The following DAB1 variants were observed in gnomAD, a reference collection of about 807,000 sequenced individuals.
DAB1 encodes disabled homolog 1.
A neutral mutation model predicts 64.6 loss-of-function variants in DAB1; 15 were observed. That is an observed-to-expected ratio of 0.23 (90% confidence interval 0.16 to 0.36). The LOEUF is 0.36. Among genes scored for constraint, DAB1 ranks in the 10% least tolerant of loss-of-function variants. The pLI, the probability that DAB1 is intolerant of heterozygous loss-of-function variation, is 1.00. For missense variants in DAB1, 596 were observed against 706.7 expected (o/e 0.84, Z 1.78); for synonymous variants, 235 against 251.9 (o/e 0.93, Z 0.64).
chr1:57,583,181 C>CATT (rs1411542850), intron 7 of DAB1, among the ~76,000 whole-genome samples: 1 of 152,058 alleles, frequency 6.6e-6, no homozygotes, highest in East Asian at 1.9e-4. Context: ...TTATCCAGGT[C>CATT]ATTTGTTACC....
At chr1:58,412,784 C>T (rs1264379774) in intron 3 of DAB1, among the ~76,000 whole-genome samples, 4 of 152,200 alleles carry the variant, frequency 2.6e-5, no homozygotes, top group Non-Finnish European at 4.4e-5. Context: ...AACCCCAGTT[C>T]TAATGTTTCT....
At chr1:58,451,886 CAGTAAG>C (rs760106764) in intron 3 of DAB1, among the ~76,000 whole-genome samples, 11 of 150,054 alleles carry the variant, frequency 7.3e-5, no homozygotes, top group Non-Finnish European at 1.3e-4. Flanking sequence ...CAAATCTCAA[CAGTAAG>C]AAGCAAAGCA....
At chr1:57,054,276 C>T (rs1649514569) in intron 9 of DAB1, among the ~76,000 whole-genome samples, 1 of 152,026 alleles carries the variant, frequency 6.6e-6, no homozygotes, top group Non-Finnish European at 1.5e-5. Context: ...TTAAGTTCCA[C>T]CAAGTTCAGT....
chr1:58,131,818 C>T (rs1323880020), intron 5 of DAB1, among the ~76,000 whole-genome samples: 2 of 149,994 alleles, frequency 1.3e-5, no homozygotes, highest in African/African-American at 2.5e-5. Context: ...TGCCCGTTCT[C>T]AGATCTCCAG....
intron 2 of DAB1, among the ~76,000 whole-genome samples, chr1:57,205,384 C>CT (rs1413247529): frequency 2.0e-5 from 3 of 152,236 alleles, no homozygotes; most frequent in Admixed American, 2.0e-4. Context: ...TCTCTACTCT[C>CT]TGAGCGTAGC....
chr1:57,726,839 A>T (rs1016799428), intron 6 of DAB1, among the ~76,000 whole-genome samples: 1 of 152,196 alleles, frequency 6.6e-6, no homozygotes, highest in African/African-American at 2.4e-5. Context: ...TCACTACTGT[A>T]AACTACCTCT....
chr1:57,168,733 T>C (rs1661441858), intron 2 of DAB1, among the ~76,000 whole-genome samples: 1 of 152,166 alleles, frequency 6.6e-6, no homozygotes, highest in Admixed American at 6.6e-5. Context: ...CCTTTCTCTT[T>C]AGTTCATATT....
Position 58,107,775 on chromosome 1 carries a change from C to T in DAB1, n.387+42736G>A, listed in dbSNP as rs1286874604. ...GGGATTACAGGTGCCTGCCACCACG[C>T]CCAGCTGATTTTTATATTTTTAGTA... On this transcript the variant is annotated intron_variant and non_coding_transcript_variant, in intron 5 of 20. Coordinates refer to the DAB1 transcript ENST00000485760. 2.0e-5 allele frequency among the ~76,000 whole-genome samples: 3 copies of T among 151,840 alleles called. No individual in the cohort carries two copies. The East Asian group carries it at 5.9e-4, about 30-fold the overall frequency.
chr1:58,192,683 C>T (rs376811254), intron 4 of DAB1, among the ~76,000 whole-genome samples: 8 of 151,936 alleles, frequency 5.3e-5, no homozygotes, highest in Admixed American at 3.3e-4. Flanking sequence ...ATGTATGTCT[C>T]GCATTTTCTT....
At chr1:57,993,170 T>C (rs998425437) in intron 5 of DAB1, among the ~76,000 whole-genome samples, 1 of 152,160 alleles carries the variant, frequency 6.6e-6, no homozygotes, top group African/African-American at 2.4e-5. Flanking sequence ...TTTCCAGCTA[T>C]TCCTCCATTT....
chr1:58,073,990 A>C (rs1364271710), intron 5 of DAB1, among the ~76,000 whole-genome samples: 1 of 152,226 alleles, frequency 6.6e-6, no homozygotes, highest in Non-Finnish European at 1.5e-5. Context: ...AAAAGGACAG[A>C]AAGAACATAT....
intron 1 of DAB1, among the ~76,000 whole-genome samples, chr1:57,300,399 G>T (rs1673543303): frequency 6.6e-6 from 1 of 152,198 alleles, no homozygotes; most frequent in Admixed American, 6.5e-5. Flanking sequence ...ATGCTACAGG[G>T]TGGAGCAAGG....
chr1:57,994,160 G>A (rs1355856723), intron 5 of DAB1, among the ~76,000 whole-genome samples: 1 of 152,186 alleles, frequency 6.6e-6, no homozygotes, highest in Non-Finnish European at 1.5e-5. Context: ...GGAGTAAAGT[G>A]TACATAGAGC....
At chr1:58,250,944 C>T (rs116504737) in intron 4 of DAB1, among the ~76,000 whole-genome samples, 1,906 of 152,308 alleles carry the variant, frequency 0.013, 18 homozygotes, top group Non-Finnish European at 0.02. Context: ...TCTGCAGGTA[C>T]ATAAACCCCT....
intron 3 of DAB1, among the ~76,000 whole-genome samples, chr1:58,375,237 G>A (rs1644312122): frequency 6.8e-6 from 1 of 146,360 alleles, no homozygotes; most frequent in East Asian, 2.0e-4. Flanking sequence ...AGCGGTGAGA[G>A]AGGGCATCCC....
chr1:57,044,056 T>A (rs1402833107), intron 9 of DAB1, among the ~76,000 whole-genome samples: 2 of 152,194 alleles, frequency 1.3e-5, no homozygotes, highest in Non-Finnish European at 2.9e-5. Flanking sequence ...CTTTCTCTGT[T>A]CCTGGCACAC....
At chr1:57,277,775 G>T (rs917935084) in intron 2 of DAB1, among the ~76,000 whole-genome samples, 1 of 152,124 alleles carries the variant, frequency 6.6e-6, no homozygotes, top group African/African-American at 2.4e-5. Context: ...GTGCACATTT[G>T]TCAAAGGCAG....
chr1:58,388,105 C>T (rs911971847), intron 3 of DAB1, among the ~76,000 whole-genome samples: 4 of 152,068 alleles, frequency 2.6e-5, no homozygotes, highest in African/African-American at 9.7e-5. Context: ...AGAGACAGTC[C>T]CTCCTGGTGC....
intron 9 of DAB1, among the ~76,000 whole-genome samples, chr1:57,044,914 C>A (rs1264801686): frequency 6.6e-6 from 1 of 152,140 alleles, no homozygotes; most frequent in South Asian, 2.1e-4. Flanking sequence ...TCTGTATGAA[C>A]CAGACACCAT....
Sources: allele counts gnomAD v4.1 joint callset (sites outside exome capture counted in the v4.1 genomes callset), GRCh38; gene constraint gnomAD v4.1.1; transcripts MANE v1.5; gene names NCBI Gene and HGNC (gene_info 2026-07-23, HGNC 2026-07-21).